The following SCFD2 variants were observed in gnomAD, a reference collection of about 807,000 sequenced individuals.
SCFD2 encodes the protein sec1 family domain-containing protein 2.
Under a neutral mutation model 58.9 loss-of-function variants are expected in SCFD2, and 54 were observed. The ratio of observed to expected loss-of-function variants is 0.92; its 90% CI spans 0.74 to 1.15. The LOEUF (loss-of-function observed/expected upper bound fraction) is 1.15, where lower values mean the gene tolerates loss of function less well. SCFD2 is among the 50% of genes most tolerant of loss of function. The pLI, the probability that SCFD2 is intolerant of heterozygous loss-of-function variation, is 0.00. For missense variants in SCFD2, 805 were observed against 836.6 expected, an observed-to-expected ratio of 0.96 and a Z score of 0.47; for synonymous variants, 321 against 335.9, an observed-to-expected ratio of 0.96 and a Z score of 0.49.
rs879595977 is a variant in SCFD2 at position 53,212,723 on chromosome 4, TTGTTTTTC to T, written c.1311+61095_1311+61102del. Among the ~76,000 whole-genome samples the T allele has an allele frequency of 4.4e-3, 664 of 151,992 alleles. 4 individuals are homozygous for T. The highest frequency in any genetic ancestry group is 0.027 in the Middle Eastern group (8 of 294). On this transcript the variant is annotated intron_variant, in intron 4 of 8. Transcript: ENST00000401642. ...TATTATGAATAAAATTTTAGAGTAG[TTGTTTTTC>T]TATAATTGTTATATGGGATCATTTT...
chr4:53,248,561 C>T (rs369788784), intron 4 of SCFD2, among the ~76,000 whole-genome samples: 88 of 152,312 alleles, frequency 5.8e-4, no homozygotes, highest in Admixed American at 2.3e-3. Flanking sequence ...TCTCCCAGCA[C>T]GCAGCTGGAG....
chr4:53,254,004 A>G (rs1478292695), intron 4 of SCFD2, among the ~76,000 whole-genome samples: 2 of 152,072 alleles, frequency 1.3e-5, no homozygotes, highest in Non-Finnish European at 2.9e-5. Flanking sequence ...AGAAAACCAA[A>G]TACCACATAT....
intron 5 of SCFD2, among the ~76,000 whole-genome samples, chr4:53,138,133 T>C (rs1432168011): frequency 4.6e-5 from 7 of 151,944 alleles, no homozygotes; most frequent in Admixed American, 3.9e-4. Context: ...GGGAGAAAAA[T>C]AGCCTATTTA....
At chr4:53,097,115 T>C (rs1195894468) in intron 5 of SCFD2, among the ~76,000 whole-genome samples, 1 of 152,230 alleles carries the variant, frequency 6.6e-6, no homozygotes, top group African/African-American at 2.4e-5. Context: ...TTGGTTACTG[T>C]AGCCTTGTAG....
intron 5 of SCFD2, among the ~76,000 whole-genome samples, chr4:53,119,975 T>G (rs1383144324): frequency 6.6e-6 from 1 of 152,162 alleles, no homozygotes; most frequent in African/African-American, 2.4e-5. Context: ...CCTCTGCCTG[T>G]CATAACCAGG....
intron 4 of SCFD2, among the ~76,000 whole-genome samples, chr4:53,231,233 C>T (rs575722177): frequency 2.0e-5 from 3 of 152,104 alleles, no homozygotes; most frequent in South Asian, 2.1e-4. Context: ...CAGATGCTCA[C>T]GATCTGTGCT....
At chr4:53,290,871 A>G (rs1279744979) in intron 3 of SCFD2, among the ~76,000 whole-genome samples, 1 of 152,114 alleles carries the variant, frequency 6.6e-6, no homozygotes, top group South Asian at 2.1e-4. Context: ...TAAATTTCTT[A>G]AGAAATGTAA....
intron 5 of SCFD2, among the ~76,000 whole-genome samples, chr4:52,940,459 C>T (rs1259575440): frequency 6.6e-6 from 1 of 152,086 alleles, no homozygotes; most frequent in African/African-American, 2.4e-5. Flanking sequence ...CAAGTAAGTC[C>T]CACATTAGAA....
At chr4:52,883,608 T>C (rs527755079) in intron 8 of SCFD2, among the ~76,000 whole-genome samples, 27 of 152,272 alleles carry the variant, frequency 1.8e-4, no homozygotes, top group African/African-American at 6.0e-4. Context: ...CATTTTATCC[T>C]TTTAGAGTAG....
At chr4:53,252,879 T>C (rs1185293740) in intron 4 of SCFD2, among the ~76,000 whole-genome samples, 2 of 152,212 alleles carry the variant, frequency 1.3e-5, no homozygotes, top group East Asian at 3.9e-4. Flanking sequence ...AAAGCCAAAA[T>C]TGACAAATGG....
At chr4:52,986,024 G>A (rs535767100) in intron 5 of SCFD2, among the ~76,000 whole-genome samples, 1 of 152,148 alleles carries the variant, frequency 6.6e-6, no homozygotes, top group Admixed American at 6.5e-5. Flanking sequence ...TACATATTCT[G>A]TTTTTGCACC....
intron 4 of SCFD2, among the ~76,000 whole-genome samples, chr4:53,216,096 T>A (rs1397905322): frequency 6.6e-6 from 1 of 152,172 alleles, no homozygotes; most frequent in Non-Finnish European, 1.5e-5. Flanking sequence ...GGGATATTGA[T>A]CTAAAATTCT....
chr4:53,062,391 C>CAAT (rs60077342), intron 5 of SCFD2, among the ~76,000 whole-genome samples: 1,732 of 149,836 alleles, frequency 0.012, 27 homozygotes, highest in African/African-American at 0.037. Context: ...CGTACAATAA[C>CAAT]AATAATAATA....
In SCFD2 at chr4:53,136,433, C is replaced by T. The variant is rs561263321; in HGVS notation, c.1561+8900G>A. Among the ~76,000 whole-genome samples, 3 of 152,246 alleles carry T rather than the reference C, an allele frequency of 2.0e-5. No homozygotes were observed. In the East Asian group the frequency reaches 5.8e-4, roughly 29 times the overall value. On this transcript the variant is annotated intron_variant, in intron 5 of 8. Transcript: ENST00000401642. ...TATTATGCCTTATGACTCCTTTTACCTACCATAAAAACCCAGACATCCACA... is the reference window on the plus strand; with the variant it reads ...TATTATGCCTTATGACTCCTTTTACTTACCATAAAAACCCAGACATCCACA...
chr4:53,269,149 AT>A (rs1393269649), intron 4 of SCFD2, among the ~76,000 whole-genome samples: 1 of 151,998 alleles, frequency 6.6e-6, no homozygotes, highest in African/African-American at 2.4e-5. Flanking sequence ...GAAAGATCCT[AT>A]TTCTACAAAA....
intron 5 of SCFD2, among the ~76,000 whole-genome samples, chr4:52,987,198 T>C (rs548970487): frequency 1.5e-4 from 23 of 151,962 alleles, no homozygotes; most frequent in African/African-American, 5.1e-4. Flanking sequence ...CCAGCTAATT[T>C]TTTGTATTTT....
intron 4 of SCFD2, among the ~76,000 whole-genome samples, chr4:53,258,880 C>T (rs1413492336): frequency 6.6e-6 from 1 of 151,910 alleles, no homozygotes; most frequent in Non-Finnish European, 1.5e-5. Flanking sequence ...CACATCCACA[C>T]CAATATCTAT....
At chr4:53,350,837 G>A (rs1734196569) in intron 2 of SCFD2, among the ~76,000 whole-genome samples, 1 of 152,128 alleles carries the variant, frequency 6.6e-6, no homozygotes, top group African/African-American at 2.4e-5. Flanking sequence ...AGCCTCCTGA[G>A]TAGCTGGGAT....
At chr4:53,291,538 G>A (rs927458808) in intron 3 of SCFD2, among the ~76,000 whole-genome samples, 4 of 151,946 alleles carry the variant, frequency 2.6e-5, no homozygotes, top group Non-Finnish European at 4.4e-5. Context: ...TCATGAAAAT[G>A]TCCATACTGC....
Sources: gnomAD v4.1 joint callset for allele counts (sites outside exome capture counted in the v4.1 genomes callset) on GRCh38, gnomAD v4.1.1 for gene constraint, MANE v1.5 for transcripts, NCBI Gene and HGNC (gene_info 2026-07-23, HGNC 2026-07-21) for gene names.